The following OR1J2 variants were observed in gnomAD, a reference collection of about 807,000 sequenced individuals.
OR1J2 encodes the protein olfactory receptor 1J2.
For synonymous variants in OR1J2, 142 were observed against 99.7 expected, an observed-to-expected ratio of 1.42 and a Z score of -2.52; for missense variants, 304 against 246.1, an observed-to-expected ratio of 1.24 and a Z score of -1.57.
At chr9:122,482,600 T>C in the OR1J2 span, among the ~76,000 whole-genome samples, 1 of 152,306 alleles carries the variant, frequency 6.6e-6, no homozygotes, top group Middle Eastern at 3.4e-3. Flanking sequence ...AGCCAAGATG[T>C]AGAATCAACA....
At chr9:122,517,054 GT>G in the OR1J2 span, among the ~76,000 whole-genome samples, 1 of 152,138 alleles carries the variant, frequency 6.6e-6, no homozygotes, top group African/African-American at 2.4e-5. Context: ...CTTCACAAAT[GT>G]TTTCTTATTA....
At chr9:122,499,428 G>A in the OR1J2 span, among the ~76,000 whole-genome samples, 2,201 of 152,230 alleles carry the variant, frequency 0.014, 42 homozygotes, top group African/African-American at 0.05. Flanking sequence ...ATCTCAGGCC[G>A]CTGAACCAGG....
the OR1J2 span, chr9:122,519,300 C>T: frequency 3.1e-6 from 5 of 1,614,102 alleles, no homozygotes; most frequent in South Asian, 4.4e-5. Context: ...GCTGGACTCT[C>T]ACCTTCACAC....
the OR1J2 span, among the ~76,000 whole-genome samples, chr9:122,575,272 C>T: frequency 6.6e-6 from 1 of 152,154 alleles, no homozygotes; most frequent in African/African-American, 2.4e-5. Flanking sequence ...AATATAAATT[C>T]TTCTTTAAAT....
the OR1J2 span, among the ~76,000 whole-genome samples, chr9:122,558,310 G>GTTTTTTT: frequency 4.1e-5 from 1 of 24,212 alleles, no homozygotes. Context: ...TTTGGATTTT[G>GTTTTTTT]CTTTTTTTTT....
chr9:122,449,782 T>C, the OR1J2 span, among the ~76,000 whole-genome samples: 1 of 152,234 alleles, frequency 6.6e-6, no homozygotes, highest in Non-Finnish European at 1.5e-5. Context: ...TGCAGCATGC[T>C]GGTTCACTAT....
chr9:122,568,445 G>A, the OR1J2 span: 149 of 1,608,294 alleles, frequency 9.3e-5, no homozygotes, highest in Middle Eastern at 1.7e-4. Context: ...GGATAAACTC[G>A]GAGACACTGC....
chr9:122,459,539 T>A, the OR1J2 span, among the ~76,000 whole-genome samples: 1 of 152,196 alleles, frequency 6.6e-6, no homozygotes, highest in South Asian at 2.1e-4. Flanking sequence ...GCAGCTTAGA[T>A]GAATCTTTCC....
chr9:122,549,001 T>C, the OR1J2 span, among the ~76,000 whole-genome samples: 2 of 152,124 alleles, frequency 1.3e-5, no homozygotes, highest in African/African-American at 4.8e-5. Context: ...TTTCTGTCTT[T>C]GTTGCCTGTG....
the OR1J2 span, among the ~76,000 whole-genome samples, chr9:122,528,571 C>T: frequency 1.3e-5 from 2 of 152,154 alleles, no homozygotes; most frequent in Admixed American, 6.5e-5. Context: ...GCACTCCAGC[C>T]TGGGCAATAG....
the OR1J2 span, among the ~76,000 whole-genome samples, chr9:122,571,580 GT>G: frequency 1.3e-5 from 2 of 151,562 alleles, no homozygotes; most frequent in Admixed American, 6.6e-5. Flanking sequence ...GCTGAGTGTG[GT>G]GGGGCGCACC....
the OR1J2 span, among the ~76,000 whole-genome samples, chr9:122,518,786 AG>A: frequency 1.3e-5 from 2 of 152,204 alleles, no homozygotes; most frequent in Non-Finnish European, 2.9e-5. Flanking sequence ...TACAACATGA[AG>A]GCTCATGACT....
chr9:122,492,270 A>G, the OR1J2 span, among the ~76,000 whole-genome samples: 1 of 152,000 alleles, frequency 6.6e-6, no homozygotes, highest in Non-Finnish European at 1.5e-5. Flanking sequence ...TCTTTTCCTG[A>G]GTTAGTTCAC....
the OR1J2 span, among the ~76,000 whole-genome samples, chr9:122,454,680 GCTT>G: frequency 1.3e-5 from 2 of 152,100 alleles, no homozygotes; most frequent in Non-Finnish European, 2.9e-5. Context: ...TTCCAGAACT[GCTT>G]CTTGTGTCCA....
the OR1J2 span, among the ~76,000 whole-genome samples, chr9:122,517,968 G>A: frequency 4.6e-5 from 7 of 152,076 alleles, no homozygotes; most frequent in Admixed American, 4.6e-4. Flanking sequence ...GTGTTGTTTG[G>A]TTTTCTGTTC....
chr9:122,474,574 C>T, the OR1J2 span, among the ~76,000 whole-genome samples: 1 of 152,106 alleles, frequency 6.6e-6, no homozygotes, highest in Admixed American at 6.5e-5. Context: ...GATGAAATAA[C>T]TTTTGTCACA....
the OR1J2 span, among the ~76,000 whole-genome samples, chr9:122,464,436 G>T: frequency 6.6e-6 from 1 of 152,216 alleles, no homozygotes; most frequent in African/African-American, 2.4e-5. Flanking sequence ...TTGTCCCACA[G>T]AGCCTGCAGC....
chr9:122,499,315 C>T, the OR1J2 span, among the ~76,000 whole-genome samples: 1 of 152,232 alleles, frequency 6.6e-6, no homozygotes, highest in African/African-American at 2.4e-5. Context: ...GCTGCCTAAG[C>T]TTTTAATCCA....
At chr9:122,542,487 C>T in the OR1J2 span, among the ~76,000 whole-genome samples, 1 of 152,096 alleles carries the variant, frequency 6.6e-6, no homozygotes, top group African/African-American at 2.4e-5. Context: ...TTCAACAGAA[C>T]TAGTAGTTTC....
Sources: allele counts gnomAD v4.1 joint callset (sites outside exome capture counted in the v4.1 genomes callset), GRCh38; gene constraint gnomAD v4.1.1; transcripts MANE v1.5; gene names NCBI Gene and HGNC (gene_info 2026-07-23, HGNC 2026-07-21).